Variants in SLC28A1 observed in about 807,000 individuals in gnomAD.
SLC28A1 encodes the protein solute carrier family 28 member 1.
A neutral mutation model predicts 74.8 loss-of-function variants in SLC28A1; 64 were observed. The ratio of observed to expected loss-of-function variants is 0.86; its 90% CI spans 0.70 to 1.05. The LOEUF (loss-of-function observed/expected upper bound fraction) is 1.05, where lower values mean the gene tolerates loss of function less well. SLC28A1 is among the 50% of genes least tolerant of loss of function. The pLI, the probability that SLC28A1 is intolerant of heterozygous loss-of-function variation, is 0.00. For missense variants in SLC28A1, 828 were observed against 822.8 expected (o/e 1.01, Z -0.08); for synonymous variants, 359 against 335.0 (o/e 1.07, Z -0.78).
chr15:84,896,103 G>A (rs890724798), intron 6 of SLC28A1: 12 of 339,430 alleles, frequency 3.5e-5, no homozygotes, highest in Admixed American at 6.4e-5. Flanking sequence ...CTGATAGGAA[G>A]TTTCCTTTAA....
At chr15:84,889,801 TTTTC>T (rs1421450006) in intron 4 of SLC28A1, among the ~76,000 whole-genome samples, 2 of 150,482 alleles carry the variant, frequency 1.3e-5, no homozygotes, top group Admixed American at 6.6e-5. Flanking sequence ...TTCTTTTCTT[TTTTC>T]TTTCTTTCTC....
In SLC28A1 at chr15:84,944,639, G is replaced by A; in HGVS notation, c.1737G>A (p.Val579=). The A allele has an allele frequency of 6.2e-7, 1 of 1,613,896 alleles. No individual in the cohort carries two copies. The highest frequency in any genetic ancestry group is 8.5e-7 in the Non-Finnish European group (1 of 1,179,772). ...VLRALFTGAC[V]SLVNACMAGI... Reference sequence around the variant, plus strand: ...GGGCGCTCTTCACGGGAGCCTGTGTGTCCCTGGTGAACGCCTGTATGGCAG... The same window carrying A: ...GGGCGCTCTTCACGGGAGCCTGTGTATCCCTGGTGAACGCCTGTATGGCAG... The change falls in exon 17 of 19, where the codon GTG becomes GTA. Residue 579 remains valine, a synonymous_variant. Coordinates refer to ENST00000394573, the MANE Select transcript of SLC28A1 (RefSeq NM_004213.5).
At chr15:84,887,543 C>T (rs1964733855) in intron 2 of SLC28A1, 31 of 985,372 alleles carry the variant, frequency 3.1e-5, no homozygotes, top group Non-Finnish European at 3.7e-5. Context: ...GTACCTCCTC[C>T]ATGTGCTGAG....
At chr15:84,893,648 C>T (rs758128688) in intron 5 of SLC28A1, among the ~76,000 whole-genome samples, 1 of 152,120 alleles carries the variant, frequency 6.6e-6, no homozygotes, top group Non-Finnish European at 1.5e-5. Context: ...GTCCTCTATC[C>T]TTGCAGGTGG....
At chr15:84,925,410 C>A (rs1179292620) in intron 12 of SLC28A1, among the ~76,000 whole-genome samples, 1 of 151,926 alleles carries the variant, frequency 6.6e-6, no homozygotes, top group East Asian at 1.9e-4. Flanking sequence ...AGCAGCCCGG[C>A]CAACATGGTG....
chr15:84,917,366 C>A (rs762257796), intron 9 of SLC28A1, among the ~76,000 whole-genome samples: 1 of 152,196 alleles, frequency 6.6e-6, no homozygotes, highest in Non-Finnish European at 1.5e-5. Context: ...CCCAAGGCAC[C>A]TGCTGTTGCT....
rs1970160171 is a variant in SLC28A1 at position 84,923,857 on chromosome 15, A to T, written c.958-128A>T. 4 of 1,229,604 alleles carry T rather than the reference A, an allele frequency of 3.3e-6. No homozygotes were observed. In the African/African-American group the frequency reaches 6.0e-5, roughly 18 times the overall value. 76.2% of individuals were successfully genotyped at this position (1,229,604 alleles called of 1,614,324 possible). ...TTCAGAGAAGCTCAGCCAAGTACAG[A>T]CCCTGGTCCTTACCCCATCCTGCTG... is the stretch of plus-strand genomic sequence containing the variant. On this transcript the variant is annotated intron_variant, in intron 11 of 18. Transcript: ENST00000394573.
At chr15:84,965,904 G>C in the SLC28A1 span, among the ~76,000 whole-genome samples, 172 of 121,560 alleles carry the variant, frequency 1.4e-3, no homozygotes, top group South Asian at 4.8e-4. Flanking sequence ...GAGGCGGGGA[G>C]GGGGGGGAAA....
chr15:84,965,322 C>T, the SLC28A1 span, among the ~76,000 whole-genome samples: 2 of 152,290 alleles, frequency 1.3e-5, no homozygotes, highest in African/African-American at 4.8e-5. Context: ...AACTGTGAGT[C>T]AATTAAACCT....
chr15:84,944,701 C>T, intron 17 of SLC28A1, 37 bp downstream of exon 17: 1 of 1,593,864 alleles, frequency 6.3e-7, no homozygotes, highest in Non-Finnish European at 8.5e-7. Flanking sequence ...AGGTGGAACC[C>T]TGACTTTCTG....
At chr15:84,911,591 G>C (rs892996796) in intron 9 of SLC28A1, among the ~76,000 whole-genome samples, 6 of 151,808 alleles carry the variant, frequency 4.0e-5, no homozygotes, top group African/African-American at 1.4e-4. Flanking sequence ...GCTGGGCGTG[G>C]TGGCTCACGC....
intron 8 of SLC28A1, 147 bp from the exon 9 acceptor site, chr15:84,908,571 C>T (rs1301130714): frequency 2.0e-5 from 14 of 709,196 alleles, no homozygotes; most frequent in Non-Finnish European, 3.3e-5. Context: ...AGCTTTAACG[C>T]ACCTTGCCAG....
chr15:84,920,963 A>T, intron 10 of SLC28A1, 26 bp from the exon 11 acceptor site: 1 of 1,600,118 alleles, frequency 6.2e-7, no homozygotes, highest in Non-Finnish European at 8.6e-7. Context: ...ATGTCAGCCC[A>T]CAAAGAACAT....
intron 5 of SLC28A1, among the ~76,000 whole-genome samples, chr15:84,891,534 A>G (rs1299919810): frequency 1.3e-5 from 2 of 152,172 alleles, no homozygotes; most frequent in Admixed American, 1.3e-4. Context: ...TGAATTGAGA[A>G]GTGGGTCAAG....
intron 8 of SLC28A1, among the ~76,000 whole-genome samples, chr15:84,906,069 G>C (rs1488103967): frequency 1.3e-5 from 2 of 149,796 alleles, no homozygotes; most frequent in Non-Finnish European, 3.0e-5. Context: ...ACCCAGGCTG[G>C]AGTGCAGTGG....
At chr15:84,889,662 TTCCTTCCTTCC>T in intron 4 of SLC28A1, among the ~76,000 whole-genome samples, 2 of 127,854 alleles carry the variant, frequency 1.6e-5, no homozygotes, top group African/African-American at 6.3e-5. Context: ...TTTCTTTTCT[TTCCTTCCTTCC>T]TTCTTTCCTT....
intron 12 of SLC28A1, among the ~76,000 whole-genome samples, chr15:84,931,082 T>C (rs1041662869): frequency 1.3e-5 from 2 of 151,850 alleles, no homozygotes; most frequent in Non-Finnish European, 2.9e-5. Flanking sequence ...ATTTTTGTAT[T>C]CTTAGTAGAG....
chr15:84,914,467 G>C (rs1183585202), intron 9 of SLC28A1, among the ~76,000 whole-genome samples: 1 of 152,224 alleles, frequency 6.6e-6, no homozygotes, highest in East Asian at 1.9e-4. Context: ...CAAGGGGCAT[G>C]GCAGGACCTT....
At chr15:84,923,704 G>A (rs139721255) in intron 11 of SLC28A1, among the ~76,000 whole-genome samples, 54 of 152,266 alleles carry the variant, frequency 3.5e-4, no homozygotes, top group African/African-American at 1.3e-3. Flanking sequence ...ATCTCAGAAG[G>A]TTGTGAGTAA....
Sources: gnomAD v4.1 joint callset for allele counts (sites outside exome capture counted in the v4.1 genomes callset) on GRCh38, gnomAD v4.1.1 for gene constraint, MANE v1.5 for transcripts, NCBI Gene and HGNC (gene_info 2026-07-23, HGNC 2026-07-21) for gene names.